Variants in DPP10 observed in about 807,000 individuals in gnomAD.
DPP10 encodes the protein dipeptidyl peptidase like 10.
Under a neutral mutation model 120.9 loss-of-function variants are expected in DPP10, and 33 were observed. That is an observed-to-expected ratio of 0.27 (90% confidence interval 0.21 to 0.37). The LOEUF is 0.37. DPP10 is among the 10% of genes least tolerant of loss of function. DPP10 has a pLI of 1.00. For missense variants in DPP10, 816 were observed against 942.8 expected, an observed-to-expected ratio of 0.87 and a Z score of 1.76; for synonymous variants, 337 against 326.1, an observed-to-expected ratio of 1.03 and a Z score of -0.36.
intron 1 of DPP10, among the ~76,000 whole-genome samples, chr2:114,735,978 C>G (rs1207288356): frequency 6.6e-6 from 1 of 151,944 alleles, no homozygotes; most frequent in African/African-American, 2.4e-5. Context: ...TACTAAGAAG[C>G]TACTAAGCTA....
intron 8 of DPP10, among the ~76,000 whole-genome samples, chr2:115,737,143 A>C (rs992312908): frequency 6.6e-6 from 1 of 152,154 alleles, no homozygotes; most frequent in Non-Finnish European, 1.5e-5. Flanking sequence ...ACCTGCCATA[A>C]ACCAGGCCCG....
At chr2:114,497,167 G>T (rs924977314) in intron 1 of DPP10, among the ~76,000 whole-genome samples, 2 of 148,294 alleles carry the variant, frequency 1.3e-5, no homozygotes, top group Non-Finnish European at 3.0e-5. Context: ...AGGTGTACAC[G>T]TGTATACATG....
At chr2:115,759,995 G>A (rs779949003) in intron 11 of DPP10, among the ~76,000 whole-genome samples, 1 of 151,038 alleles carries the variant, frequency 6.6e-6, no homozygotes, top group Non-Finnish European at 1.5e-5. Flanking sequence ...GGCAACAAGA[G>A]TGAAACTCCG....
At chr2:115,151,286 A>G (rs1349483899) in intron 1 of DPP10, among the ~76,000 whole-genome samples, 1 of 152,046 alleles carries the variant, frequency 6.6e-6, no homozygotes, top group Non-Finnish European at 1.5e-5. Context: ...ATGCCCAAGT[A>G]ATTCTTTTTT....
intron 4 of DPP10, among the ~76,000 whole-genome samples, chr2:115,520,590 C>T (rs919161709): frequency 2.0e-5 from 3 of 151,968 alleles, no homozygotes; most frequent in South Asian, 2.1e-4. Flanking sequence ...TAGAACAATA[C>T]ACATCCCTAC....
chr2:114,737,036 G>A (rs1326872491), intron 1 of DPP10, among the ~76,000 whole-genome samples: 1 of 152,140 alleles, frequency 6.6e-6, no homozygotes. Flanking sequence ...CAAGACAATA[G>A]ACACTAAATT....
chr2:115,770,696 CTATT>C (rs1321083656), intron 13 of DPP10, among the ~76,000 whole-genome samples: 2 of 151,982 alleles, frequency 1.3e-5, no homozygotes, highest in Non-Finnish European at 2.9e-5. Flanking sequence ...AACAAAAAAG[CTATT>C]TATGAATTGT....
chr2:115,673,661 T>C (rs1246473608), intron 5 of DPP10, among the ~76,000 whole-genome samples: 6 of 152,206 alleles, frequency 3.9e-5, no homozygotes, highest in African/African-American at 1.4e-4. Context: ...AATTGTTACC[T>C]GGACTCTAAA....
At chr2:114,598,830 G>C (rs1402153184) in intron 1 of DPP10, among the ~76,000 whole-genome samples, 2 of 151,914 alleles carry the variant, frequency 1.3e-5, no homozygotes, top group African/African-American at 4.8e-5. Context: ...ACTCTTGAGG[G>C]AAATTTTTAA....
At chr2:114,922,163 A>T (rs1329124955) in intron 1 of DPP10, among the ~76,000 whole-genome samples, 3 of 152,198 alleles carry the variant, frequency 2.0e-5, no homozygotes, top group Non-Finnish European at 2.9e-5. Context: ...TGGTTTATAG[A>T]ATACTCTCAG....
intron 5 of DPP10, among the ~76,000 whole-genome samples, chr2:115,528,858 AG>A (rs2078289510): frequency 6.7e-6 from 1 of 148,198 alleles, no homozygotes; most frequent in African/African-American, 2.6e-5. Flanking sequence ...GGAGAAAAGG[AG>A]GGAAATGAGA....
At chr2:115,324,292 T>G (rs1276510559) in intron 2 of DPP10, among the ~76,000 whole-genome samples, 2 of 152,090 alleles carry the variant, frequency 1.3e-5, no homozygotes, top group Admixed American at 1.3e-4. Flanking sequence ...AGGAAAGTTC[T>G]AGATAGTATC....
At chr2:115,168,570 G>A (rs1241663402) in intron 1 of DPP10, among the ~76,000 whole-genome samples, 1 of 152,102 alleles carries the variant, frequency 6.6e-6, no homozygotes, top group East Asian at 1.9e-4. Flanking sequence ...AAGTTTTCTG[G>A]CAATAACCAA....
intron 1 of DPP10, among the ~76,000 whole-genome samples, chr2:114,694,916 C>A (rs967132402): frequency 9.9e-5 from 15 of 151,928 alleles, no homozygotes; most frequent in African/African-American, 3.6e-4. Flanking sequence ...AAGAATCTTT[C>A]TTGTCCAAGA....
intron 2 of DPP10, among the ~76,000 whole-genome samples, chr2:115,316,984 A>T (rs1374443758): frequency 6.6e-6 from 1 of 152,122 alleles, no homozygotes; most frequent in Non-Finnish European, 1.5e-5. Context: ...TTGTTGGCAC[A>T]TGCTACTCAG....
At chr2:114,513,726 G>A (rs1400229041) in intron 1 of DPP10, among the ~76,000 whole-genome samples, 2 of 152,134 alleles carry the variant, frequency 1.3e-5, no homozygotes, top group Non-Finnish European at 2.9e-5. Context: ...CTTTTCTCGT[G>A]TCTGTATTTG....
chr2:114,674,408 T>A (rs1169036420), intron 1 of DPP10, among the ~76,000 whole-genome samples: 14 of 152,138 alleles, frequency 9.2e-5, no homozygotes, highest in Admixed American at 9.2e-4. Flanking sequence ...GATTTCTTGA[T>A]TTTACCATAA....
intron 1 of DPP10, among the ~76,000 whole-genome samples, chr2:114,613,780 A>G (rs906963623): frequency 6.6e-6 from 1 of 152,222 alleles, no homozygotes; most frequent in Non-Finnish European, 1.5e-5. Context: ...ATGGAATACT[A>G]TGCAGCCATA....
chr2:115,090,190 A>G (rs929646761), intron 1 of DPP10, among the ~76,000 whole-genome samples: 2 of 152,162 alleles, frequency 1.3e-5, no homozygotes, highest in East Asian at 1.9e-4. Context: ...TAAAATATAC[A>G]TATGTATGAG....
Sources: allele counts gnomAD v4.1 joint callset (sites outside exome capture counted in the v4.1 genomes callset), GRCh38; gene constraint gnomAD v4.1.1; transcripts MANE v1.5; gene names NCBI Gene and HGNC (gene_info 2026-07-23, HGNC 2026-07-21).